CHSY3: variants seen among roughly 807,000 people sequenced by gnomAD.
CHSY3 encodes the protein chondroitin sulfate synthase 3.
In CHSY3, 35 loss-of-function variants were observed where a neutral mutation model predicts 67.2. That is an observed-to-expected ratio of 0.52 (90% CI 0.40 to 0.69). CHSY3 has a LOEUF of 0.69. CHSY3 is among the 30% of genes least tolerant of loss of function. CHSY3 has a pLI of 0.00. For missense variants in CHSY3, 1,069 were observed against 1,138.5 expected, an observed-to-expected ratio of 0.94 and a Z score of 0.88; for synonymous variants, 474 against 434.7, an observed-to-expected ratio of 1.09 and a Z score of -1.12.
intron 2 of CHSY3, among the ~76,000 whole-genome samples, chr5:129,997,573 A>G (rs1763579465): frequency 6.6e-6 from 1 of 152,104 alleles, no homozygotes; most frequent in Non-Finnish European, 1.5e-5. Context: ...TTTGTTACAT[A>G]GATATACATG....
chr5:130,154,991 A>C (rs1453830089), intron 2 of CHSY3, among the ~76,000 whole-genome samples: 1 of 152,182 alleles, frequency 6.6e-6, no homozygotes, highest in East Asian at 1.9e-4. Flanking sequence ...ACACTCTTCG[A>C]TGATGACCAT....
intron 2 of CHSY3, among the ~76,000 whole-genome samples, chr5:129,945,653 G>T (rs987948287): frequency 6.6e-6 from 1 of 152,090 alleles, no homozygotes; most frequent in Non-Finnish European, 1.5e-5. Context: ...TTTTCCTTCG[G>T]ACAGTATGGA....
At chr5:129,995,451 G>A (rs954383370) in intron 2 of CHSY3, among the ~76,000 whole-genome samples, 6 of 149,950 alleles carry the variant, frequency 4.0e-5, no homozygotes, top group African/African-American at 1.5e-4. Flanking sequence ...CTAATTCGTC[G>A]ATTAAAAAAA....
At chr5:129,933,053 T>C (rs1197458378) in intron 2 of CHSY3, among the ~76,000 whole-genome samples, 1 of 152,148 alleles carries the variant, frequency 6.6e-6, no homozygotes, top group Non-Finnish European at 1.5e-5. Context: ...ATCTAAAAAA[T>C]GCTTTATGTA....
intron 2 of CHSY3, among the ~76,000 whole-genome samples, chr5:130,043,268 AT>A (rs1328103985): frequency 1.3e-5 from 2 of 151,846 alleles, no homozygotes; most frequent in African/African-American, 4.8e-5. Context: ...TTATCTTTTC[AT>A]TTAAAATTAA....
chr5:130,006,725 T>A (rs1763887841), intron 2 of CHSY3, among the ~76,000 whole-genome samples: 3 of 152,206 alleles, frequency 2.0e-5, no homozygotes, highest in Admixed American at 2.0e-4. Flanking sequence ...GCATCAGAGC[T>A]ATATCATTTT....
chr5:130,109,465 G>GA (rs557187691), intron 2 of CHSY3, among the ~76,000 whole-genome samples: 1 of 151,278 alleles, frequency 6.6e-6, no homozygotes, highest in Non-Finnish European at 1.5e-5. Flanking sequence ...GTAAGTAAGA[G>GA]AAAAAAAATT....
intron 2 of CHSY3, among the ~76,000 whole-genome samples, chr5:130,155,848 G>A (rs1484381535): frequency 6.6e-6 from 1 of 152,154 alleles, no homozygotes; most frequent in Admixed American, 6.5e-5. Context: ...GCAGCTGTTC[G>A]GCTCTAGTAA....
chr5:130,170,810 C>A (rs936416475), intron 2 of CHSY3, among the ~76,000 whole-genome samples: 1 of 148,970 alleles, frequency 6.7e-6, no homozygotes, highest in Non-Finnish European at 1.5e-5. Flanking sequence ...TGTTCATATC[C>A]TTTGCCCAGT....
intron 2 of CHSY3, among the ~76,000 whole-genome samples, chr5:129,913,457 T>A (rs1279033677): frequency 6.6e-6 from 1 of 152,218 alleles, no homozygotes; most frequent in African/African-American, 2.4e-5. Flanking sequence ...TAGTTACATT[T>A]TATTATAGAT....
At chr5:129,923,450 C>G (rs1760987919) in intron 2 of CHSY3, among the ~76,000 whole-genome samples, 1 of 151,860 alleles carries the variant, frequency 6.6e-6, no homozygotes, top group Non-Finnish European at 1.5e-5. Flanking sequence ...ATGCCAGGCA[C>G]TGTTCCAAGT....
At chr5:129,972,505 T>C (rs143692267) in intron 2 of CHSY3, among the ~76,000 whole-genome samples, 69 of 152,190 alleles carry the variant, frequency 4.5e-4, no homozygotes, top group African/African-American at 1.6e-3. Flanking sequence ...TTGATGTTAA[T>C]AGCCTTTTTT....
rs900201571 is a variant in CHSY3, at chr5:129,944,552, C to A, written c.1086+36192C>A. ...GTTTCAGCATGTTGGTCAGGCTGGTCTTGAACTCCTGGCCTCATGATCTGC... is the reference window on the plus strand; with the variant it reads ...GTTTCAGCATGTTGGTCAGGCTGGTATTGAACTCCTGGCCTCATGATCTGC... On this transcript the variant is annotated intron_variant, in intron 2 of 2. Coordinates refer to ENST00000305031, the MANE Select transcript of CHSY3 (RefSeq NM_175856.5). 2.7e-4 allele frequency among the ~76,000 whole-genome samples: 41 copies of A among 152,120 alleles called. 1 individual carries two copies. The highest frequency in any genetic ancestry group is 9.4e-4 in the African/African-American group (39 of 41,416).
At chr5:129,986,048 A>C (rs1478307007) in intron 2 of CHSY3, among the ~76,000 whole-genome samples, 1 of 151,954 alleles carries the variant, frequency 6.6e-6, no homozygotes, top group Non-Finnish European at 1.5e-5. Flanking sequence ...ATTGCTCTAG[A>C]CTTCCAGTAC....
At chr5:129,929,294 C>T (rs907706563) in intron 2 of CHSY3, among the ~76,000 whole-genome samples, 1 of 152,156 alleles carries the variant, frequency 6.6e-6, no homozygotes, top group Admixed American at 6.5e-5. Context: ...TCTTCTAGTC[C>T]TTAGCATGTT....
chr5:130,135,461 G>A (rs867956422), intron 2 of CHSY3, among the ~76,000 whole-genome samples: 1 of 152,044 alleles, frequency 6.6e-6, no homozygotes, highest in African/African-American at 2.4e-5. Context: ...GACTTGGGAA[G>A]CATTTTAACC....
rs376911638 is a variant in CHSY3, at chr5:130,125,082, A to T, written c.1087-59147A>T. Among the ~76,000 whole-genome samples the T allele has an allele frequency of 1.1e-4, 17 of 152,152 alleles. 1 individual carries two copies. Among genetic ancestry groups the T allele is most frequent in the Admixed American group, 6.5e-4 (10 of 15,296 alleles). On this transcript the variant is annotated intron_variant, in intron 2 of 2. Transcript: ENST00000305031. Reference sequence around the variant, plus strand: ...AATTGCTTGAGCTCGGGAGTTCTCGAACTCCTGCAGAGATTACAGAAGGAA... The same window carrying T: ...AATTGCTTGAGCTCGGGAGTTCTCGTACTCCTGCAGAGATTACAGAAGGAA...
chr5:130,131,595 A>T (rs1450753066), intron 2 of CHSY3, among the ~76,000 whole-genome samples: 1 of 152,160 alleles, frequency 6.6e-6, no homozygotes, highest in Non-Finnish European at 1.5e-5. Flanking sequence ...GGCACAGAAA[A>T]TGCAGGAAAC....
At chr5:130,018,699 G>T (rs1204365881) in intron 2 of CHSY3, among the ~76,000 whole-genome samples, 1 of 152,134 alleles carries the variant, frequency 6.6e-6, no homozygotes, top group African/African-American at 2.4e-5. Context: ...TTTAGATATG[G>T]TTTGTTTGTC....
Sources: gnomAD v4.1 joint callset for allele counts (sites outside exome capture counted in the v4.1 genomes callset) on GRCh38, gnomAD v4.1.1 for gene constraint, MANE v1.5 for transcripts, NCBI Gene and HGNC (gene_info 2026-07-23, HGNC 2026-07-21) for gene names.